CABP2: variants seen among roughly 807,000 people sequenced by gnomAD.
CABP2 encodes the protein calcium-binding protein 2.
In CABP2, 25 loss-of-function variants were observed where a neutral mutation model predicts 28.6. The observed-to-expected ratio is 0.87, with a 90% CI of 0.64 to 1.22. The LOEUF (loss-of-function observed/expected upper bound fraction) is 1.22, where lower values mean the gene tolerates loss of function less well. Ranked by LOEUF, CABP2 falls within the 50% of genes most tolerant of loss-of-function variation. The pLI, the probability that CABP2 is intolerant of heterozygous loss-of-function variation, is 0.00. For missense variants in CABP2, 310 were observed against 312.2 expected (o/e 0.99, Z 0.05); for synonymous variants, 138 against 126.0 (o/e 1.09, Z -0.64).
At position 67,522,636 on chromosome 11, in the gene CABP2, G is replaced by A. The variant is rs967114267; in HGVS notation, c.123C>T (p.Pro41=). 1.0e-5 allele frequency: 16 copies of A among 1,547,556 alleles called. No homozygotes were observed. The highest frequency in any genetic ancestry group is 7.2e-5 in the South Asian group (6 of 83,828). Residue 41 remains proline, a synonymous_variant, in exon 2 of 7, where the codon CCC becomes CCT. Coordinates refer to ENST00000294288, the MANE Select transcript of CABP2 (RefSeq NM_016366.3). The stretch of plus-strand genomic sequence containing the variant: ...CCGAGTAGCCCTGGACGCCTGGCGC[G>A]GGGTCCCCCTGCTCCTTGGGGCTGG... The part of the protein sequence containing the change: ...PSSSPKEQGD[P]APGVQGYSVL...
chr11:67,522,713 G>T lies in CABP2; in HGVS notation c.46C>A (p.Pro16Thr), dbSNP rs577524298. The change falls in exon 2 of 7, where the codon CCC becomes ACC. Residue 16 changes from proline (P) to threonine (T), a missense_variant. Coordinates refer to ENST00000294288, the MANE Select transcript of CABP2 (RefSeq NM_016366.3). ...KRPWRRGPKDPLQWLGSPPRG... is the reference protein window; with the variant it reads ...KRPWRRGPKDTLQWLGSPPRG... ...GGTGGGGAGCCGAGCCACTGCAAGGGGTCCTGCAGCAGAGCCGGCCGTGAG... is the reference window on the plus strand; with the variant it reads ...GGTGGGGAGCCGAGCCACTGCAAGGTGTCCTGCAGCAGAGCCGGCCGTGAG... 4.7e-6 allele frequency: 7 copies of T among 1,492,496 alleles called. No individual in the cohort carries two copies. The highest frequency in any genetic ancestry group is 6.3e-6 in the Non-Finnish European group (7 of 1,116,800). 92.5% of individuals were successfully genotyped at this position (1,492,496 alleles called of 1,614,324 possible). A position where few individuals can be genotyped will look rare whatever the true frequency, so the allele number is the denominator to read the frequency against.
intron 4 of CABP2, among the ~76,000 whole-genome samples, chr11:67,520,386 G>A (rs765254954): frequency 6.6e-6 from 1 of 152,168 alleles, no homozygotes; most frequent in African/African-American, 2.4e-5. Flanking sequence ...GGCCGGGCAC[G>A]GTGGTTCACG....
intron 4 of CABP2, among the ~76,000 whole-genome samples, chr11:67,520,418 G>A (rs1238486615): frequency 6.6e-6 from 1 of 152,174 alleles, no homozygotes; most frequent in Non-Finnish European, 1.5e-5. Context: ...AGCACTTTGG[G>A]AGGCTGAGGC....
At chr11:67,519,228 T>C in intron 6 of CABP2, 64 bp from the exon 7 acceptor site, 2 of 1,572,510 alleles carry the variant, frequency 1.3e-6, no homozygotes, top group South Asian at 2.2e-5. Context: ...GAGGATCATC[T>C]GCAGGCCTTG....
chr11:67,520,728 T>C (rs1227141142), intron 4 of CABP2, among the ~76,000 whole-genome samples: 1 of 152,248 alleles, frequency 6.6e-6, no homozygotes, highest in Non-Finnish European at 1.5e-5. Flanking sequence ...TTAATTTTCC[T>C]GAACTCTTCG....
chr11:67,523,326 TG>T lies in CABP2; in HGVS notation c.-1del. On this transcript the variant is annotated 5_prime_UTR_variant, in exon 1 of 7. Transcript: ENST00000294288. ...CAGGGCCGCTTGGCACAGTTCCCCATGGGCCCTGAACCATGCCAGGCCTGGA... is the reference window on the plus strand; with the variant it reads ...CAGGGCCGCTTGGCACAGTTCCCCATGGCCCTGAACCATGCCAGGCCTGGA... 1 of 1,553,010 alleles carries T rather than the reference TG, an allele frequency of 6.4e-7. No homozygotes were observed. The highest frequency in any genetic ancestry group is 8.7e-7 in the Non-Finnish European group (1 of 1,148,058).
intron 4 of CABP2, 119 bp downstream of exon 4, chr11:67,520,906 A>G (rs1866737160): frequency 5.4e-6 from 6 of 1,109,700 alleles, no homozygotes; most frequent in Non-Finnish European, 7.9e-6. Context: ...GAGAATGACC[A>G]AGGTCATGGG....
At chr11:67,519,433 G>A (rs968968961) in intron 6 of CABP2, among the ~76,000 whole-genome samples, 4 of 152,164 alleles carry the variant, frequency 2.6e-5, no homozygotes, top group African/African-American at 9.7e-5. Flanking sequence ...CCTACTTATG[G>A]CAATACATTT....
chr11:67,523,198 G>A (rs992521911), intron 1 of CABP2, 87 bp downstream of exon 1: 11 of 813,998 alleles, frequency 1.4e-5, no homozygotes, highest in East Asian at 3.1e-5. Flanking sequence ...AACCCCGCCC[G>A]GCCCTCGGAG....
intron 2 of CABP2, among the ~76,000 whole-genome samples, chr11:67,522,260 G>A (rs1866758087): frequency 2.0e-5 from 3 of 152,126 alleles, no homozygotes; most frequent in Admixed American, 6.5e-5. Flanking sequence ...TGCTGGTGGT[G>A]GATCTGGGGT....
chr11:67,519,162 ACT>A lies in CABP2; in HGVS notation c.638_639del (p.Glu213ValfsTer?), dbSNP rs1591077467. 1 of 1,613,656 alleles carries A rather than the reference ACT, an allele frequency of 6.2e-7. No individual in the cohort carries two copies. Among genetic ancestry groups the A allele is most frequent in the Non-Finnish European group, 8.5e-7 (1 of 1,179,922 alleles). Reference sequence around the variant, plus strand: ...GCTCACCGAGACATCATTCGCACAAACTCTGCCAGGACGAAGCCAAGGTTTTG... The same window carrying A: ...GCTCACCGAGACATCATTCGCACAAACTGCCAGGACGAAGCCAAGGTTTTG... ...LNGDGLVDFE[E>X]FVRMMSR On this transcript the variant is annotated frameshift_variant and splice_region_variant, in exon 7 of 7. Coordinates refer to ENST00000294288, the MANE Select transcript of CABP2 (RefSeq NM_016366.3). LOFTEE classifies it high-confidence loss of function.
At chr11:67,523,197 C>A (rs749295927) in intron 1 of CABP2, 88 bp downstream of exon 1, 80 of 1,107,474 alleles carry the variant, frequency 7.2e-5, no homozygotes, top group Admixed American at 2.0e-4. Flanking sequence ...CAACCCCGCC[C>A]GGCCCTCGGA....
rs938246032 is a variant in CABP2, at chr11:67,519,026, G to T, written c.*113C>A. 37 of 1,133,294 alleles carry T rather than the reference G, an allele frequency of 3.3e-5. No individual in the cohort carries two copies. Among genetic ancestry groups the T allele is most frequent in the Non-Finnish European group, 4.5e-5 (34 of 751,458 alleles). The allele number at this position is 1,133,294 out of a possible 1,614,324, so 70.2% of individuals were successfully genotyped here. ...AGGCAAGGGCACTGCACACAGGTGGGATGGGGAGGAAAGGAGGGTCCCCGC... is the reference window on the plus strand; with the variant it reads ...AGGCAAGGGCACTGCACACAGGTGGTATGGGGAGGAAAGGAGGGTCCCCGC... On this transcript the variant is annotated 3_prime_UTR_variant, in exon 7 of 7. Transcript: ENST00000294288.
intron 3 of CABP2, among the ~76,000 whole-genome samples, chr11:67,521,403 GAAGA>G (rs1473180962): frequency 1.3e-5 from 2 of 152,188 alleles, no homozygotes; most frequent in Non-Finnish European, 1.5e-5. Context: ...TTTCAAAAAG[GAAGA>G]AAGAAAGAAA....
At chr11:67,521,773 C>G (rs1423180628) in intron 3 of CABP2, among the ~76,000 whole-genome samples, 179 bp downstream of exon 3, 1 of 152,096 alleles carries the variant, frequency 6.6e-6, no homozygotes, top group Non-Finnish European at 1.5e-5. Context: ...GTCTGTCATC[C>G]CCTCCCTGCT....
intron 4 of CABP2, 40 bp from the exon 5 acceptor site, chr11:67,520,200 C>A (rs1197556600): frequency 1.5e-6 from 2 of 1,355,446 alleles, no homozygotes; most frequent in Admixed American, 1.7e-5. Context: ...GCATCAGAGA[C>A]CCCTGCCCCT....
rs1866696468 is a variant in CABP2, at chr11:67,518,917, C to T, written c.*222G>A. ...CAAGTGAGAGGCAAAAGCCATCTCCCCAGGCTTGGAGATATTTTATTGTCA... is the reference window on the plus strand; with the variant it reads ...CAAGTGAGAGGCAAAAGCCATCTCCTCAGGCTTGGAGATATTTTATTGTCA... On this transcript the variant is annotated 3_prime_UTR_variant, in exon 7 of 7. Transcript: ENST00000294288. 4 of 590,034 alleles carry T rather than the reference C, an allele frequency of 6.8e-6. No homozygotes were observed. The South Asian group carries it at 8.2e-5, about 12-fold the overall frequency. The allele number at this position is 590,034 out of a possible 1,614,324, so 36.5% of individuals were successfully genotyped here.
In CABP2 at chr11:67,518,980, AGTG is replaced by A; in HGVS notation, c.*156_*158del. 1 of 676,330 alleles carries A rather than the reference AGTG, an allele frequency of 1.5e-6. No individual in the cohort carries two copies. The highest frequency in any genetic ancestry group is 2.6e-6 in the Non-Finnish European group (1 of 379,774). 41.9% of individuals were successfully genotyped at this position (676,330 alleles called of 1,614,324 possible). ...CAAGGCCAGGCGGCTTTATTGGAGAAGTGGTGGTGGGGGTGAAGGCAGGCAAGG... is the reference window on the plus strand; with the variant it reads ...CAAGGCCAGGCGGCTTTATTGGAGAAGTGGTGGGGGTGAAGGCAGGCAAGG... On this transcript the variant is annotated 3_prime_UTR_variant, in exon 7 of 7. Coordinates refer to ENST00000294288, the MANE Select transcript of CABP2 (RefSeq NM_016366.3).
intron 1 of CABP2, 80 bp downstream of exon 1, chr11:67,523,205 G>A (rs1223881074): frequency 1.1e-5 from 12 of 1,128,566 alleles, no homozygotes; most frequent in African/African-American, 6.2e-5. Flanking sequence ...CCCGGCCCTC[G>A]GAGGGCTCTG....
Sources: gnomAD v4.1 joint callset for allele counts (sites outside exome capture counted in the v4.1 genomes callset) on GRCh38, gnomAD v4.1.1 for gene constraint, MANE v1.5 for transcripts, NCBI Gene and HGNC (gene_info 2026-07-23, HGNC 2026-07-21) for gene names.